The following THRB variants were observed in gnomAD, a reference collection of about 807,000 sequenced individuals.
THRB encodes the protein thyroid hormone receptor beta.
THRB carries 12 observed loss-of-function variants against 47.8 expected under a neutral mutation model. The observed-to-expected ratio is 0.25, with a 90% CI of 0.16 to 0.41. The LOEUF is 0.41. Ranked by LOEUF, THRB falls within the 10% of genes least tolerant of loss-of-function variation. The pLI is 1.00. For missense variants in THRB, 348 were observed against 589.2 expected (o/e 0.59, Z 4.24); for synonymous variants, 218 against 212.2 (o/e 1.03, Z -0.24).
intron 1 of THRB, among the ~76,000 whole-genome samples, chr3:24,374,599 C>T (rs1293661031): frequency 6.6e-6 from 1 of 151,918 alleles, no homozygotes; most frequent in Non-Finnish European, 1.5e-5. Context: ...TATAAAATGA[C>T]TATGAATTAA....
chr3:24,320,332 A>G (rs2058401086), intron 2 of THRB, among the ~76,000 whole-genome samples: 1 of 152,170 alleles, frequency 6.6e-6, no homozygotes, highest in African/African-American at 2.4e-5. Context: ...TTTGGCTCCT[A>G]ATAAGAGTTG....
intron 3 of THRB, among the ~76,000 whole-genome samples, chr3:24,242,270 G>C (rs1469029727): frequency 6.6e-6 from 1 of 152,174 alleles, no homozygotes; most frequent in Non-Finnish European, 1.5e-5. Flanking sequence ...CTGCTGGGAG[G>C]GGGAAGGGCA....
At chr3:24,489,440 C>T (rs1697809609) in intron 1 of THRB, among the ~76,000 whole-genome samples, 2 of 152,236 alleles carry the variant, frequency 1.3e-5, no homozygotes, top group African/African-American at 4.8e-5. Flanking sequence ...GAGATGAGCC[C>T]TGTTATCAAG....
intron 1 of THRB, among the ~76,000 whole-genome samples, chr3:24,406,578 G>T (rs1304782396): frequency 6.7e-6 from 1 of 150,118 alleles, no homozygotes; most frequent in Non-Finnish European, 1.5e-5. Context: ...ATTTATAAGG[G>T]TTTGGTATCA....
intron 3 of THRB, among the ~76,000 whole-genome samples, chr3:24,292,625 A>T (rs547477041): frequency 1.3e-5 from 2 of 152,098 alleles, no homozygotes; most frequent in Non-Finnish European, 2.9e-5. Context: ...CTCATTAATG[A>T]CTTCCTGGTT....
chr3:24,344,348 A>G (rs2062868550), intron 1 of THRB, among the ~76,000 whole-genome samples: 1 of 152,036 alleles, frequency 6.6e-6, no homozygotes, highest in Non-Finnish European at 1.5e-5. Flanking sequence ...TCTATCTGAC[A>G]TTTGAAAAGA....
chr3:24,251,430 A>C (rs1284657132), intron 3 of THRB, among the ~76,000 whole-genome samples: 2 of 152,120 alleles, frequency 1.3e-5, no homozygotes, highest in Non-Finnish European at 2.9e-5. Flanking sequence ...AAAACAACAA[A>C]TAGATGAACT....
chr3:24,451,765 C>T (rs1268912082), intron 1 of THRB, among the ~76,000 whole-genome samples: 1 of 152,184 alleles, frequency 6.6e-6, no homozygotes, highest in Admixed American at 6.5e-5. Flanking sequence ...ATCAGACTTG[C>T]AGCCAATAAG....
chr3:24,489,558 T>C (rs141106320), intron 1 of THRB, among the ~76,000 whole-genome samples: 1 of 152,304 alleles, frequency 6.6e-6, no homozygotes, highest in East Asian at 1.9e-4. Context: ...TCAAGGTTCC[T>C]AGGTCCTAAT....
At chr3:24,305,212 G>T (rs187031094) in intron 2 of THRB, among the ~76,000 whole-genome samples, 1 of 152,286 alleles carries the variant, frequency 6.6e-6, no homozygotes, top group East Asian at 1.9e-4. Flanking sequence ...CATCATATGG[G>T]ACCTTGTTAG....
At chr3:24,253,085 G>A (rs116561082) in intron 3 of THRB, among the ~76,000 whole-genome samples, 3 of 152,110 alleles carry the variant, frequency 2.0e-5, no homozygotes, top group African/African-American at 7.2e-5. Context: ...GGGAAAGAAA[G>A]AAAGGTAGAA....
rs2043146218 is a variant in THRB, at chr3:24,190,118, A to T, written c.239T>A (p.Val80Asp). The change falls in exon 5 of 11, where the codon GTC (valine) becomes GAC (aspartate). Residue 80 changes from valine (V) to aspartate (D), a missense_variant. Physicochemically the swap from Val to Asp is radical, Grantham distance 152 (BLOSUM62 -3). This residue lies in a region of THRB where 148 missense variants were observed against 122.3 expected (regional missense o/e 1.21). Coordinates refer to ENST00000646209, the MANE Select transcript of THRB (RefSeq NM_001354712.2). ...LDHDDVNDQS[V>D]SSAQTFQTEE... ...CGTTTGGAAGGTCTGGGCACTTGAGACACTCTGGTCGTTCACATCATCATG... is the reference window on the plus strand; with the variant it reads ...CGTTTGGAAGGTCTGGGCACTTGAGTCACTCTGGTCGTTCACATCATCATG... The T allele has an allele frequency of 6.2e-7, 1 of 1,613,898 alleles. No individual in the cohort carries two copies. Among genetic ancestry groups the T allele is most frequent in the Non-Finnish European group, 8.5e-7 (1 of 1,179,948 alleles).
chr3:24,435,387 G>C (rs146735708), intron 1 of THRB, among the ~76,000 whole-genome samples: 2,993 of 152,246 alleles, frequency 0.02, 109 homozygotes, highest in African/African-American at 0.068. Flanking sequence ...GTCAGAGAAA[G>C]CAGATGCGGA....
chr3:24,381,204 A>C (rs1445623311), intron 1 of THRB, among the ~76,000 whole-genome samples: 2 of 152,160 alleles, frequency 1.3e-5, no homozygotes, highest in African/African-American at 4.8e-5. Flanking sequence ...CAACATTCAA[A>C]CAAAGGAAGA....
intron 1 of THRB, among the ~76,000 whole-genome samples, chr3:24,400,354 G>C (rs2067295094): frequency 6.6e-6 from 1 of 152,018 alleles, no homozygotes. Context: ...TATTTTAAAT[G>C]TAAACATGAG....
At chr3:24,420,155 TC>T (rs1321958638) in intron 1 of THRB, among the ~76,000 whole-genome samples, 1 of 151,968 alleles carries the variant, frequency 6.6e-6, no homozygotes, top group Admixed American at 6.6e-5. Flanking sequence ...GCTCCTTCTT[TC>T]TTTTTCTCTT....
At chr3:24,349,598 G>T (rs1177273592) in intron 1 of THRB, among the ~76,000 whole-genome samples, 1 of 151,938 alleles carries the variant, frequency 6.6e-6, no homozygotes, top group Non-Finnish European at 1.5e-5. Flanking sequence ...GGTGAGAAAG[G>T]GCATTGTCCT....
chr3:24,185,206 T>A (rs768886248), intron 5 of THRB, among the ~76,000 whole-genome samples: 1 of 152,210 alleles, frequency 6.6e-6, no homozygotes, highest in Non-Finnish European at 1.5e-5. Flanking sequence ...AGAAGAATAA[T>A]CTATAGCCAA....
chr3:24,461,521 C>T (rs191592870), intron 1 of THRB, among the ~76,000 whole-genome samples: 63 of 152,332 alleles, frequency 4.1e-4, no homozygotes, highest in Non-Finnish European at 7.6e-4. Context: ...TATTCTAACT[C>T]TTCTTGCAGC....
Sources: gnomAD v4.1 joint callset for allele counts (sites outside exome capture counted in the v4.1 genomes callset) on GRCh38, gnomAD v4.1.1 for gene constraint, gnomAD v4.1.1 regional missense constraint, MANE v1.5 for transcripts, NCBI Gene and HGNC (gene_info 2026-07-23, HGNC 2026-07-21) for gene names.